NBAS: variants seen among roughly 807,000 people sequenced by gnomAD.
NBAS encodes the protein NAG/BC035112 fusion.
A neutral mutation model predicts 302.5 loss-of-function variants in NBAS; 219 were observed. The observed-to-expected ratio is 0.72, with a 90% CI of 0.65 to 0.81. The LOEUF (loss-of-function observed/expected upper bound fraction) is 0.81, where lower values mean the gene tolerates loss of function less well. Ranked by LOEUF, NBAS falls within the 30% of genes least tolerant of loss-of-function variation. The probability of loss-of-function intolerance (pLI) is 0.00; values close to 1 mark genes in which losing one functional copy is unlikely to be tolerated. For synonymous variants in NBAS, 1,118 were observed against 1,021.6 expected, an observed-to-expected ratio of 1.09 and a Z score of -1.80; for missense variants, 2,932 against 2,841.6, an observed-to-expected ratio of 1.03 and a Z score of -0.72.
At chr2:14,849,038 C>T in the NBAS span, among the ~76,000 whole-genome samples, 7,731 of 151,072 alleles carry the variant, frequency 0.051, 674 homozygotes, top group African/African-American at 0.18. Context: ...TCCAAAGGAA[C>T]GCAGTTCCTC....
the NBAS span, among the ~76,000 whole-genome samples, chr2:15,148,708 A>G: frequency 2.0e-5 from 3 of 152,220 alleles, no homozygotes; most frequent in Non-Finnish European, 4.4e-5. Flanking sequence ...AAAATTGAGC[A>G]TTAATTAATA....
chr2:15,526,254 T>C (rs949539272), intron 9 of NBAS, among the ~76,000 whole-genome samples: 2 of 152,152 alleles, frequency 1.3e-5, no homozygotes, highest in African/African-American at 2.4e-5. Context: ...AGTTAGGATA[T>C]ATAAAAAAGA....
rs777250705 is a variant in NBAS, at chr2:15,415,677, C to T, written c.2806G>A (p.Val936Ile). ...KYVTSAYQWM[V>I]PFLHRCEKQS... ...TTCTCACAACGATGAAGAAAGGGAA[C>T]CATCCACTGGTAGGCACTTGTCACA... Residue 936 changes from valine to isoleucine, a missense_variant, in exon 25 of 52, where the codon GTT becomes ATT. Physicochemically the swap from Val to Ile is conservative, Grantham distance 29. Transcript: ENST00000281513. 1.2e-6 allele frequency: 2 copies of T among 1,614,172 alleles called. No homozygotes were observed. Among genetic ancestry groups the T allele is most frequent in the Non-Finnish European group, 1.7e-6 (2 of 1,180,026 alleles).
At chr2:15,328,370 G>C in intron 36 of NBAS, 58 bp from the exon 37 acceptor site, 1 of 1,425,498 alleles carries the variant, frequency 7.0e-7, no homozygotes, top group South Asian at 1.2e-5. Context: ...CAAGGAGGTA[G>C]AAGAAGTAAA....
the NBAS span, among the ~76,000 whole-genome samples, chr2:14,981,709 T>C: frequency 6.6e-6 from 1 of 152,232 alleles, no homozygotes; most frequent in Admixed American, 6.5e-5. Context: ...AGGTGTCTGC[T>C]ATATTCACTC....
the NBAS span, among the ~76,000 whole-genome samples, chr2:15,118,597 T>C: frequency 6.6e-6 from 1 of 152,180 alleles, no homozygotes; most frequent in African/African-American, 2.4e-5. Context: ...TTGGGAGCCC[T>C]GAGCCTCTAT....
chr2:14,794,283 A>T, the NBAS span, among the ~76,000 whole-genome samples: 1 of 152,226 alleles, frequency 6.6e-6, no homozygotes, highest in Non-Finnish European at 1.5e-5. Context: ...TAAACCTCCT[A>T]AAATGATTGA....
At chr2:15,144,061 A>ATATATTATCC in the NBAS span, among the ~76,000 whole-genome samples, 2 of 137,364 alleles carry the variant, frequency 1.5e-5, no homozygotes, top group Non-Finnish European at 3.0e-5. Context: ...ATATATATAT[A>ATATATTATCC]TATATATCTC....
intron 16 of NBAS, among the ~76,000 whole-genome samples, chr2:15,472,518 T>C (rs1486722914): frequency 6.6e-6 from 1 of 152,172 alleles, no homozygotes; most frequent in African/African-American, 2.4e-5. Context: ...ACATGCATGC[T>C]GGTAGGGGTT....
At chr2:14,989,287 A>ATGTGTGTGTGTG in the NBAS span, among the ~76,000 whole-genome samples, 5,101 of 70,822 alleles carry the variant, frequency 0.072, 119 homozygotes, top group Non-Finnish European at 0.11. Flanking sequence ...TAGTAGATGT[A>ATGTGTGTGTGTG]TGTGTATGTG....
the NBAS span, among the ~76,000 whole-genome samples, chr2:15,024,151 G>A: frequency 2.0e-5 from 3 of 151,788 alleles, no homozygotes; most frequent in African/African-American, 4.8e-5. Context: ...AAGCCTCAGT[G>A]TCTGTTGTTC....
At chr2:15,552,539 A>C (rs1304681937) in intron 5 of NBAS, among the ~76,000 whole-genome samples, 2 of 152,268 alleles carry the variant, frequency 1.3e-5, no homozygotes, top group East Asian at 3.9e-4. Context: ...TGATTTTCCT[A>C]ATAACATTTC....
At chr2:15,111,991 C>T in the NBAS span, among the ~76,000 whole-genome samples, 1 of 148,510 alleles carries the variant, frequency 6.7e-6, no homozygotes, top group Non-Finnish European at 1.5e-5. Context: ...TTTGAGAAAA[C>T]TAATTTCACA....
the NBAS span, among the ~76,000 whole-genome samples, chr2:14,999,630 T>A: frequency 1.6e-4 from 25 of 152,164 alleles, no homozygotes; most frequent in African/African-American, 6.0e-4. Context: ...TGATTATAAG[T>A]TTCCTGAGGT....
chr2:15,215,236 A>C (rs1240907352), intron 48 of NBAS, among the ~76,000 whole-genome samples: 1 of 152,198 alleles, frequency 6.6e-6, no homozygotes, highest in Non-Finnish European at 1.5e-5. Flanking sequence ...TGAAAAATGA[A>C]GGCCTCTGAA....
the NBAS span, among the ~76,000 whole-genome samples, chr2:14,804,876 T>A: frequency 6.6e-6 from 1 of 152,194 alleles, no homozygotes; most frequent in Non-Finnish European, 1.5e-5. Context: ...CTAAAAGATA[T>A]TTAAAATTAT....
chr2:14,830,076 C>G, the NBAS span, among the ~76,000 whole-genome samples: 1 of 152,142 alleles, frequency 6.6e-6, no homozygotes, highest in Non-Finnish European at 1.5e-5. Flanking sequence ...GATTTTATTT[C>G]TTGACGATCC....
At chr2:14,815,218 T>C in the NBAS span, among the ~76,000 whole-genome samples, 1 of 152,192 alleles carries the variant, frequency 6.6e-6, no homozygotes, top group Admixed American at 6.5e-5. Context: ...CAAAACAGGT[T>C]AACTAGCTAT....
At chr2:15,424,671 C>T (rs567782634) in intron 22 of NBAS, among the ~76,000 whole-genome samples, 5 of 152,242 alleles carry the variant, frequency 3.3e-5, no homozygotes, top group South Asian at 4.2e-4. Context: ...ATTTTCCCCC[C>T]GTTTTCCCGA....
Sources: allele counts gnomAD v4.1 joint callset (sites outside exome capture counted in the v4.1 genomes callset), GRCh38; gene constraint gnomAD v4.1.1; transcripts MANE v1.5; gene names NCBI Gene and HGNC (gene_info 2026-07-23, HGNC 2026-07-21).